The following PDE1C variants were observed in gnomAD, a reference collection of about 807,000 sequenced individuals.
PDE1C encodes phosphodiesterase 1C.
Under a neutral mutation model 93.1 loss-of-function variants are expected in PDE1C, and 62 were observed. The ratio of observed to expected loss-of-function variants is 0.67; its 90% CI spans 0.54 to 0.82. The LOEUF (loss-of-function observed/expected upper bound fraction) is 0.82, where lower values mean the gene tolerates loss of function less well. Ranked by LOEUF, PDE1C falls within the 40% of genes least tolerant of loss-of-function variation. PDE1C has a pLI of 0.00. For synonymous variants in PDE1C, 325 were observed against 310.1 expected (o/e 1.05, Z -0.50); for missense variants, 742 against 884.6 (o/e 0.84, Z 2.04).
At position 31,837,866 on chromosome 7, in the gene PDE1C, T is replaced by G; in HGVS notation, c.1082+4A>C. ...ACAAAAACACAAGCCACAAGCACACTTACGCTTCTGGCTGCTGCAGAGCAG... is the reference window on the plus strand; with the variant it reads ...ACAAAAACACAAGCCACAAGCACACGTACGCTTCTGGCTGCTGCAGAGCAG... On this transcript the variant is annotated splice_donor_region_variant and intron_variant, in intron 10 of 17. Transcript: ENST00000396191. The G allele has an allele frequency of 2.5e-6, 4 of 1,602,524 alleles. No homozygotes were observed. The highest frequency in any genetic ancestry group is 3.4e-6 in the Non-Finnish European group (4 of 1,169,462).
At chr7:31,692,215 G>T in the PDE1C span, among the ~76,000 whole-genome samples, 1 of 152,014 alleles carries the variant, frequency 6.6e-6, no homozygotes, top group African/African-American at 2.4e-5. Context: ...AGGGTGGGAG[G>T]GTTCATTTTA....
In PDE1C at chr7:32,070,297, C is replaced by A. The variant is rs750886348; in HGVS notation, c.97G>T (p.Gly33Trp). ...QIEKIWLRLR[G>W]LRKYKKTSQR... is the part of the protein sequence containing the mutation. ...GAAGTAAATAGGTATACTTACAGCC[C>A]GCGGAGCCGAAGCCAGATTTTCTCG... The change falls in exon 1 of 18, where the codon GGG becomes TGG. Residue 33 changes from glycine to tryptophan, a missense_variant. Around this residue, in one of 4 missense-constraint regions of PDE1C, gnomAD observed 74 missense variants for 88.2 expected, o/e 0.84. Transcript: ENST00000396191. 2.5e-6 allele frequency: 4 copies of A among 1,614,138 alleles called. No homozygotes were observed. The highest frequency in any genetic ancestry group is 1.1e-5 in the South Asian group (1 of 91,080).
At chr7:32,005,817 T>G (rs1786170089) in intron 2 of PDE1C, among the ~76,000 whole-genome samples, 1 of 152,186 alleles carries the variant, frequency 6.6e-6, no homozygotes, top group South Asian at 2.1e-4. Context: ...AATTTGGCAT[T>G]TTTGGATGTG....
chr7:31,665,388 G>C, the PDE1C span, among the ~76,000 whole-genome samples: 1 of 152,048 alleles, frequency 6.6e-6, no homozygotes, highest in African/African-American at 2.4e-5. Flanking sequence ...TTTATTAGCT[G>C]TCTCTCCTAC....
intron 2 of PDE1C, among the ~76,000 whole-genome samples, chr7:31,892,958 T>C (rs776274489): frequency 2.0e-5 from 3 of 152,246 alleles, no homozygotes; most frequent in Non-Finnish European, 2.9e-5. Context: ...GTAATTGTTA[T>C]GTTAATTAGA....
chr7:32,001,650 TC>T (rs1171658050), intron 2 of PDE1C, among the ~76,000 whole-genome samples: 2 of 151,978 alleles, frequency 1.3e-5, no homozygotes, highest in African/African-American at 4.8e-5. Flanking sequence ...TGCATCCTTA[TC>T]TCCATTTTGC....
At chr7:31,700,532 T>C in the PDE1C span, among the ~76,000 whole-genome samples, 997 of 152,272 alleles carry the variant, frequency 6.5e-3, 9 homozygotes, top group African/African-American at 0.023. Flanking sequence ...CAGGAAGTGA[T>C]CCAGAAAATC....
chr7:31,652,620 C>T, the PDE1C span: 8 of 1,613,486 alleles, frequency 5.0e-6, no homozygotes, highest in Non-Finnish European at 5.9e-6. Flanking sequence ...TTCTAAAATC[C>T]ACCCAGGCAT....
upstream of PDE1C, chr7:32,070,898 C>G (rs945704760): frequency 5.1e-6 from 5 of 985,564 alleles, no homozygotes; most frequent in Admixed American, 1.2e-4. Flanking sequence ...ACGCCGCGCA[C>G]CCGGCTCCGC....
At chr7:31,755,683 A>G (rs965456479) in intron 17 of PDE1C, among the ~76,000 whole-genome samples, 1 of 152,238 alleles carries the variant, frequency 6.6e-6, no homozygotes, top group African/African-American at 2.4e-5. Context: ...GCAACAAAAT[A>G]AACAAGGCAG....
chr7:32,298,441 G>C (rs892844955), intron 1 of PDE1C, among the ~76,000 whole-genome samples: 2 of 152,122 alleles, frequency 1.3e-5, no homozygotes, highest in Non-Finnish European at 2.9e-5. Flanking sequence ...ACGCCGGGTC[G>C]GAGCCCGCGA....
rs372176053 is a variant in PDE1C at position 32,208,709 on chromosome 7, T to C, written c.136+780A>G. The stretch of plus-strand genomic sequence containing the variant: ...ACTCCACCCTCATCCGTCTCTAGTA[T>C]TTTCCCCCCCCTTCTTTGGAATCCA... On this transcript the variant is annotated intron_variant, in intron 2 of 18. Transcript: ENST00000396193. 3.1e-3 allele frequency among the ~76,000 whole-genome samples: 475 copies of C among 151,996 alleles called. 1 individual carries two copies. Among genetic ancestry groups the C allele is most frequent in the African/African-American group, 0.011 (442 of 41,336 alleles).
intron 2 of PDE1C, among the ~76,000 whole-genome samples, chr7:32,191,770 T>C (rs765268224): frequency 6.6e-6 from 1 of 152,182 alleles, no homozygotes; most frequent in Non-Finnish European, 1.5e-5. Context: ...TAGTTGTATG[T>C]TTAGCTTTTT....
At chr7:32,419,397 C>T (rs983565783) in intron 1 of PDE1C, among the ~76,000 whole-genome samples, 6 of 152,132 alleles carry the variant, frequency 3.9e-5, no homozygotes, top group Non-Finnish European at 2.9e-5. Context: ...AAAAGCAGCC[C>T]CTCTAACTAC....
chr7:32,327,260 G>A (rs1473334010), intron 1 of PDE1C, among the ~76,000 whole-genome samples: 1 of 152,126 alleles, frequency 6.6e-6, no homozygotes, highest in Non-Finnish European at 1.5e-5. Flanking sequence ...TTTTATTGAA[G>A]CATAACATGT....
intron 1 of PDE1C, among the ~76,000 whole-genome samples, chr7:32,378,477 G>T (rs990167454): frequency 6.6e-6 from 1 of 152,040 alleles, no homozygotes; most frequent in African/African-American, 2.4e-5. Flanking sequence ...AGACCACCAG[G>T]CTAAGAGGAG....
intron 12 of PDE1C, among the ~76,000 whole-genome samples, chr7:31,826,789 A>G (rs919237059): frequency 4.6e-5 from 7 of 152,146 alleles, no homozygotes; most frequent in Admixed American, 4.6e-4. Flanking sequence ...TTAATCCTCT[A>G]TGCTACTGGC....
At chr7:32,197,708 C>T (rs1164718878) in intron 2 of PDE1C, among the ~76,000 whole-genome samples, 1 of 152,142 alleles carries the variant, frequency 6.6e-6, no homozygotes, top group Non-Finnish European at 1.5e-5. Context: ...CAATAGACCA[C>T]ATATTGTATG....
At chr7:32,083,020 T>A (rs944705294) in intron 3 of PDE1C, among the ~76,000 whole-genome samples, 10 of 151,014 alleles carry the variant, frequency 6.6e-5, no homozygotes, top group African/African-American at 2.2e-4. Context: ...TTTGACGAGT[T>A]GAGAGAAGAA....
Sources: gnomAD v4.1 joint callset for allele counts (sites outside exome capture counted in the v4.1 genomes callset) on GRCh38, gnomAD v4.1.1 for gene constraint, gnomAD v4.1.1 regional missense constraint, MANE v1.5 for transcripts, NCBI Gene and HGNC (gene_info 2026-07-23, HGNC 2026-07-21) for gene names.